IRF2: variants seen among roughly 807,000 people sequenced by gnomAD.
IRF2 encodes the protein interferon regulatory factor 2.
IRF2 carries 15 observed loss-of-function variants against 40.6 expected under a neutral mutation model. That is an observed-to-expected ratio of 0.37 (90% CI 0.25 to 0.57). IRF2 has a LOEUF of 0.57. Ranked by LOEUF, IRF2 falls within the 20% of genes least tolerant of loss-of-function variation. The probability of loss-of-function intolerance (pLI) is 0.77; values close to 1 mark genes in which losing one functional copy is unlikely to be tolerated. For missense variants in IRF2, 317 were observed against 455.7 expected (o/e 0.70, Z 2.77); for synonymous variants, 151 against 165.5 (o/e 0.91, Z 0.67).
intron 5 of IRF2, among the ~76,000 whole-genome samples, chr4:184,417,205 T>C (rs919285404): frequency 1.3e-5 from 2 of 152,188 alleles, no homozygotes; most frequent in African/African-American, 4.8e-5. Context: ...TGATGGCCTA[T>C]GGGGTAAATT....
At chr4:184,429,310 T>C (rs1229480994) in intron 1 of IRF2, among the ~76,000 whole-genome samples, 3 of 152,128 alleles carry the variant, frequency 2.0e-5, no homozygotes, top group Non-Finnish European at 4.4e-5. Context: ...GGGAGGGTCC[T>C]ATGGACATTG....
In IRF2 at chr4:184,408,320, C is replaced by A. The variant is rs899436238; in HGVS notation, c.412-45G>T. The A allele has an allele frequency of 8.5e-7, 1 of 1,179,626 alleles. No homozygotes were observed. The highest frequency in any genetic ancestry group is 1.3e-6 in the Non-Finnish European group (1 of 787,622). The allele number at this position is 1,179,626 out of a possible 1,614,324, so 73.1% of individuals were successfully genotyped here. On this transcript the variant is annotated intron_variant, in intron 5 of 8. Transcript: ENST00000393593. This position sits in a 1 kb window ranked among gnomAD's most constrained non-coding sequence, Gnocchi z 4.9. ...AAAGAATTGAGAACACTTCCTTTCC[C>A]CTCCCTTCTCTTAGCTGAAATTCTA...
chr4:184,418,629 A>G lies in IRF2; in HGVS notation c.267T>C (p.Pro89=), dbSNP rs747859951. Residue 89 remains proline, a synonymous_variant, in exon 4 of 9, where the codon CCT becomes CCC. Transcript: ENST00000393593. ...TTTTATCCTTGACTTCTTCAATATC[A>G]GGCAAGGAATTCATGGCGCATCTGA... ...ANFRCAMNSL[P]DIEEVKDKSI... 6.2e-7 allele frequency: 1 copy of G among 1,614,152 alleles called. No homozygotes were observed. The highest frequency in any genetic ancestry group is 8.5e-7 in the Non-Finnish European group (1 of 1,179,978).
At position 184,388,678 on chromosome 4, in the gene IRF2, CAGAG is replaced by C. The variant is rs1450926944; in HGVS notation, c.*76_*79del. 7.0e-7 allele frequency: 1 copy of C among 1,425,576 alleles called. No homozygotes were observed. The highest frequency in any genetic ancestry group is 9.6e-7 in the Non-Finnish European group (1 of 1,041,894). The allele number at this position is 1,425,576 out of a possible 1,614,324, so 88.3% of individuals were successfully genotyped here. On this transcript the variant is annotated 3_prime_UTR_variant, in exon 9 of 9. Transcript: ENST00000393593. This position sits in a 1 kb window ranked among gnomAD's most constrained non-coding sequence, Gnocchi z 4.6. ...CCTTAGATTTGTCTAAAATAGGTGTCAGAGAGAAAAAAATAAAATACAAACAAAC... is the reference window on the plus strand; with the variant it reads ...CCTTAGATTTGTCTAAAATAGGTGTCAGAAAAAAATAAAATACAAACAAAC...
intron 6 of IRF2, among the ~76,000 whole-genome samples, chr4:184,400,243 T>C (rs1736618421): frequency 6.6e-6 from 1 of 152,232 alleles, no homozygotes; most frequent in Admixed American, 6.5e-5. Flanking sequence ...CCATGACCCC[T>C]GGGCAACTAT....
chr4:184,439,291 C>T (rs950141689), intron 1 of IRF2, among the ~76,000 whole-genome samples: 1 of 135,148 alleles, frequency 7.4e-6, no homozygotes, highest in Non-Finnish European at 1.5e-5. Context: ...AACTGCCTTG[C>T]AATGCTATTA....
intron 6 of IRF2, among the ~76,000 whole-genome samples, chr4:184,405,770 A>G (rs1736831365): frequency 6.6e-6 from 1 of 152,316 alleles, no homozygotes; most frequent in East Asian, 1.9e-4. Flanking sequence ...TAAACGAGGC[A>G]GCGGCAGCCA....
chr4:184,467,873 C>A (rs776421678), intron 1 of IRF2, among the ~76,000 whole-genome samples: 1 of 152,182 alleles, frequency 6.6e-6, no homozygotes, highest in African/African-American at 2.4e-5. Context: ...TCTCAAAAAT[C>A]GTCATTTAAT....
rs1171730800 is a variant in IRF2 at position 184,418,518 on chromosome 4, G to A, written c.364+14C>T. ...AAATTGATTTACCTTATTTTAGTCT[G>A]TAAATGCCTTTACCTTTCTTAGAAG... is the stretch of plus-strand genomic sequence containing the variant. On this transcript the variant is annotated intron_variant, in intron 4 of 8. Transcript: ENST00000393593. 11 of 1,611,660 alleles carry A rather than the reference G, an allele frequency of 6.8e-6. No individual in the cohort carries two copies. Among genetic ancestry groups the A allele is most frequent in the Non-Finnish European group, 9.3e-6 (11 of 1,177,944 alleles).
chr4:184,405,805 T>A (rs1490957497), intron 6 of IRF2, among the ~76,000 whole-genome samples: 5 of 152,004 alleles, frequency 3.3e-5, no homozygotes, highest in African/African-American at 1.2e-4. Flanking sequence ...GAGAAAATAA[T>A]ATATAGCCTC....
At chr4:184,472,429 T>G (rs1166937705) in intron 1 of IRF2, 3 of 151,436 alleles carry the variant, frequency 2.0e-5, no homozygotes, top group African/African-American at 7.3e-5. Flanking sequence ...GAACCTGCAG[T>G]CGATATGAAA....
intron 7 of IRF2, among the ~76,000 whole-genome samples, chr4:184,396,436 CTTTTTTTTTTTTTTT>C (rs1296222524): frequency 3.0e-5 from 4 of 134,724 alleles, no homozygotes; most frequent in Non-Finnish European, 6.5e-5. Context: ...ATTTTTTTTT[CTTTTTTTTTTTTTTT>C]AAGACAGGAT....
chr4:184,454,185 T>C (rs1382972827), intron 1 of IRF2, among the ~76,000 whole-genome samples: 1 of 152,208 alleles, frequency 6.6e-6, no homozygotes, highest in Non-Finnish European at 1.5e-5. Flanking sequence ...GCCCTCAGGA[T>C]CTGCTTCTTG....
chr4:184,419,652 C>G (rs1737409853), intron 2 of IRF2, 84 bp from the exon 3 acceptor site: 2 of 883,212 alleles, frequency 2.3e-6, no homozygotes, highest in Non-Finnish European at 3.6e-6. Context: ...AAGGTCTAGC[C>G]AGCAAGATTC....
At chr4:184,425,607 A>C (rs1366906087) in intron 2 of IRF2, among the ~76,000 whole-genome samples, 1 of 152,230 alleles carries the variant, frequency 6.6e-6, no homozygotes, top group Non-Finnish European at 1.5e-5. Context: ...GTAGCGGAGG[A>C]GCCCTGTGAG....
intron 1 of IRF2, among the ~76,000 whole-genome samples, chr4:184,459,842 A>G (rs990049117): frequency 2.0e-5 from 3 of 152,242 alleles, no homozygotes; most frequent in African/African-American, 7.2e-5. Flanking sequence ...CTATCAAAAC[A>G]AAAAGATAAT....
chr4:184,410,084 C>T (rs751130826), intron 5 of IRF2, among the ~76,000 whole-genome samples: 10 of 152,230 alleles, frequency 6.6e-5, no homozygotes, highest in African/African-American at 2.2e-4. Context: ...CCTGTGGTCT[C>T]GCTTCCTCTC....
At chr4:184,401,749 T>A (rs1431865261) in intron 6 of IRF2, among the ~76,000 whole-genome samples, 1 of 152,080 alleles carries the variant, frequency 6.6e-6, no homozygotes, top group African/African-American at 2.4e-5. Context: ...TGTGAGAGTT[T>A]GAGGAGGGAG....
At chr4:184,424,139 C>T (rs1054181211) in intron 2 of IRF2, among the ~76,000 whole-genome samples, 3 of 152,066 alleles carry the variant, frequency 2.0e-5, no homozygotes, top group Non-Finnish European at 4.4e-5. Flanking sequence ...AATTTGCTAT[C>T]CTATTTCTTT....
Sources: allele counts gnomAD v4.1 joint callset (sites outside exome capture counted in the v4.1 genomes callset), GRCh38; gene constraint gnomAD v4.1.1; non-coding constraint Gnocchi (gnomAD v3.1); transcripts MANE v1.5; gene names NCBI Gene and HGNC (gene_info 2026-07-23, HGNC 2026-07-21).